Variants in TMEM220 observed in about 807,000 individuals in gnomAD.
The protein encoded by TMEM220 is transmembrane protein 220.
Under a neutral mutation model 21.7 loss-of-function variants are expected in TMEM220, and 21 were observed. That is an observed-to-expected ratio of 0.97 (90% CI 0.69 to 1.39). TMEM220 has a LOEUF of 1.39. Ranked by LOEUF, TMEM220 falls within the 40% of genes most tolerant of loss-of-function variation. TMEM220 has a pLI of 0.00. For synonymous variants in TMEM220, 80 were observed against 73.6 expected (o/e 1.09, Z -0.45); for missense variants, 191 against 201.9 (o/e 0.95, Z 0.33).
At chr17:10,723,222 G>C (rs2075012543) in intron 5 of TMEM220, 48 bp downstream of exon 5, 1 of 1,532,960 alleles carries the variant, frequency 6.5e-7, no homozygotes, top group Non-Finnish European at 9.0e-7. Context: ...CTCGTGATCT[G>C]CCCGCCTCGG....
chr17:10,727,447 T>C (rs900727074), intron 2 of TMEM220, among the ~76,000 whole-genome samples: 2 of 152,242 alleles, frequency 1.3e-5, no homozygotes, highest in African/African-American at 4.8e-5. Flanking sequence ...TCAGGATAAG[T>C]AGATTTTGGA....
Position 10,715,358 on chromosome 17 carries a change from C to T in TMEM220, c.*95G>A. ...ATTTGGAGTTTTAAAACTATTAGCC[C>T]AAATTACCTGAAATAAACTCCTGGC... On this transcript the variant is annotated 3_prime_UTR_variant, in exon 6 of 6. Transcript: ENST00000341871. 1.6e-6 allele frequency: 2 copies of T among 1,246,808 alleles called. No individual in the cohort carries two copies. The highest frequency in any genetic ancestry group is 2.2e-6 in the Non-Finnish European group (2 of 903,356). 77.2% of individuals were successfully genotyped at this position (1,246,808 alleles called of 1,614,324 possible). A position where few individuals can be genotyped will look rare whatever the true frequency, so the allele number is the denominator to read the frequency against.
At position 10,713,854 on chromosome 17, in the gene TMEM220, C is replaced by A. The variant is rs1013472719; in HGVS notation, c.*1599G>T. 2 of 152,132 alleles carry A rather than the reference C, an allele frequency of 1.3e-5. No individual in the cohort carries two copies. The highest frequency in any genetic ancestry group is 6.5e-5 in the Admixed American group (1 of 15,276). The allele number at this position is 152,132 out of a possible 1,614,324, so 9.4% of individuals were successfully genotyped here. A position where few individuals can be genotyped will look rare whatever the true frequency, so the allele number is the denominator to read the frequency against. ...AGAATATTTACTATAGTAATAAAGA[C>A]AATAAAAATAGACAAACTACCAGAC... On this transcript the variant is annotated 3_prime_UTR_variant, in exon 6 of 6. Coordinates refer to ENST00000341871, the MANE Select transcript of TMEM220 (RefSeq NM_001004313.3).
chr17:10,713,407 G>GA lies in TMEM220; in HGVS notation c.*2045dup, dbSNP rs1452659306. 1.3e-5 allele frequency: 2 copies of GA among 151,952 alleles called. No homozygotes were observed. Among genetic ancestry groups the GA allele is most frequent in the Non-Finnish European group, 2.9e-5 (2 of 68,006 alleles). 9.4% of individuals were successfully genotyped at this position (151,952 alleles called of 1,614,324 possible). ...TATGCTTAACTGAAGATGCGAAAGA[G>GA]ACTATGAATAGTCACATAATTTCGT... On this transcript the variant is annotated 3_prime_UTR_variant, in exon 6 of 6. Coordinates refer to ENST00000341871, the MANE Select transcript of TMEM220 (RefSeq NM_001004313.3).
chr17:10,712,352 A>T (rs2074859904), downstream of TMEM220, among the ~76,000 whole-genome samples: 1 of 152,214 alleles, frequency 6.6e-6, no homozygotes, highest in Non-Finnish European at 1.5e-5. Context: ...CCAACCAGAT[A>T]ATCCAGGTAA....
At chr17:10,716,866 A>G (rs2074928479) in intron 5 of TMEM220, among the ~76,000 whole-genome samples, 1 of 152,110 alleles carries the variant, frequency 6.6e-6, no homozygotes, top group Admixed American at 6.5e-5. Flanking sequence ...GTCTTCTTCA[A>G]TTTCTCCCAT....
At chr17:10,711,496 C>A (rs957551937), downstream of TMEM220, among the ~76,000 whole-genome samples, 6 of 152,188 alleles carry the variant, frequency 3.9e-5, no homozygotes, top group African/African-American at 1.4e-4. Context: ...AGCATATAAG[C>A]TCAGGTAAGC....
intron 2 of TMEM220, among the ~76,000 whole-genome samples, chr17:10,728,581 G>C (rs1239592361): frequency 2.6e-5 from 4 of 152,200 alleles, no homozygotes; most frequent in Non-Finnish European, 4.4e-5. Flanking sequence ...AGAGTGCTGA[G>C]ATTGCAGGCG....
intron 5 of TMEM220, among the ~76,000 whole-genome samples, chr17:10,717,488 T>C (rs759747626): frequency 6.6e-6 from 1 of 152,256 alleles, no homozygotes; most frequent in Non-Finnish European, 1.5e-5. Context: ...GTTTTTGTAA[T>C]GTGAAACTAA....
At chr17:10,725,666 G>C (rs1316152600) in intron 3 of TMEM220, among the ~76,000 whole-genome samples, 4 of 152,220 alleles carry the variant, frequency 2.6e-5, no homozygotes. Context: ...GAGAGGTGGA[G>C]AGAAGGTAAA....
At chr17:10,722,083 C>T (rs1385974884) in intron 5 of TMEM220, among the ~76,000 whole-genome samples, 2 of 151,910 alleles carry the variant, frequency 1.3e-5, no homozygotes, top group Non-Finnish European at 2.9e-5. Flanking sequence ...ACCTCCGACT[C>T]CCGGGTTCAA....
Position 10,726,245 on chromosome 17 carries a change from G to A in TMEM220, c.122C>T (p.Ala41Val). 6.2e-7 allele frequency: 1 copy of A among 1,614,038 alleles called. No individual in the cohort carries two copies. The highest frequency in any genetic ancestry group is 8.5e-7 in the Non-Finnish European group (1 of 1,179,926). The change falls in exon 3 of 6, where the codon GCA becomes GTA. Residue 41 changes from alanine (A) to valine (V), a missense_variant. Physicochemically the swap from Ala to Val is moderately conservative, Grantham distance 64. Coordinates refer to ENST00000341871, the MANE Select transcript of TMEM220 (RefSeq NM_001004313.3). ...AAGTCCAACAAGCAGGGTCAGTACT[G>A]CAGGGATTGTGTACACCACCTGTTA... ...EVWVVVYTIPAVLTLLVGLNP... is the reference protein window; with the variant it reads ...EVWVVVYTIPVVLTLLVGLNP...
downstream of TMEM220, among the ~76,000 whole-genome samples, chr17:10,712,221 C>G (rs2074858660): frequency 6.6e-6 from 1 of 152,192 alleles, no homozygotes; most frequent in South Asian, 2.1e-4. Context: ...CTTCTGTCTT[C>G]AAAGCCAGCA....
At position 10,729,913 on chromosome 17, in the gene TMEM220, A is replaced by T; in HGVS notation, c.-62T>A. 1 of 1,264,366 alleles carries T rather than the reference A, an allele frequency of 7.9e-7. No individual in the cohort carries two copies. The allele number at this position is 1,264,366 out of a possible 1,614,324, so 78.3% of individuals were successfully genotyped here. On this transcript the variant is annotated 5_prime_UTR_variant, in exon 1 of 6. Coordinates refer to ENST00000341871, the MANE Select transcript of TMEM220 (RefSeq NM_001004313.3). ...CACGTGCGGGGCGGTGAGTCCTGCC[A>T]CGTACGGTCCGCCTTCCTCCTTGCG...
Position 10,729,860 on chromosome 17 carries a change from G to A in TMEM220, c.-9C>T, listed in dbSNP as rs2075105772. 4.5e-6 allele frequency: 6 copies of A among 1,334,834 alleles called. No homozygotes were observed. In the South Asian group the frequency reaches 1.1e-4, roughly 25 times the overall value. The allele number at this position is 1,334,834 out of a possible 1,614,324, so 82.7% of individuals were successfully genotyped here. On this transcript the variant is annotated 5_prime_UTR_variant, in exon 1 of 6. Coordinates refer to ENST00000341871, the MANE Select transcript of TMEM220 (RefSeq NM_001004313.3). ...CACAGCGCTGGCGCCATGGCTCGGA[G>A]AACACGGCGCGGGGCGGTGAGTCCT...
chr17:10,716,230 T>TC (rs1213453899), intron 5 of TMEM220: 1 of 846,992 alleles, frequency 1.2e-6, no homozygotes, highest in Non-Finnish European at 1.9e-6. Flanking sequence ...AGAAATGTGT[T>TC]CATCTCCAAT....
chr17:10,712,784 G>A (rs75651637), downstream of TMEM220, among the ~76,000 whole-genome samples: 1,192 of 152,332 alleles, frequency 7.8e-3, 35 homozygotes, highest in East Asian at 0.062. Flanking sequence ...GGAGAAGGGG[G>A]ATGTGGCAAG....
intron 2 of TMEM220, among the ~76,000 whole-genome samples, chr17:10,726,908 G>A (rs1156448270): frequency 6.6e-6 from 1 of 152,148 alleles, no homozygotes; most frequent in African/African-American, 2.4e-5. Flanking sequence ...TGTTGGCAGG[G>A]AATAAGTAGG....
Position 10,715,324 on chromosome 17 carries a change from TAA to T in TMEM220, c.*127_*128del. ...TCTTACATCGAATTATATGCACCCTTAAAAAGTTATTTGGAGTTTTAAAACTA... is the reference window on the plus strand; with the variant it reads ...TCTTACATCGAATTATATGCACCCTTAAAGTTATTTGGAGTTTTAAAACTA... On this transcript the variant is annotated 3_prime_UTR_variant, in exon 6 of 6. Transcript: ENST00000341871. 1 of 812,574 alleles carries T rather than the reference TAA, an allele frequency of 1.2e-6. No individual in the cohort carries two copies. Among genetic ancestry groups the T allele is most frequent in the Non-Finnish European group, 1.8e-6 (1 of 543,580 alleles). The allele number at this position is 812,574 out of a possible 1,614,324, so 50.3% of individuals were successfully genotyped here.
Sources: allele counts gnomAD v4.1 joint callset (sites outside exome capture counted in the v4.1 genomes callset), GRCh38; gene constraint gnomAD v4.1.1; transcripts MANE v1.5; gene names NCBI Gene and HGNC (gene_info 2026-07-23, HGNC 2026-07-21).